The following PLEKHG7 variants were observed in gnomAD, a reference collection of about 807,000 sequenced individuals.
PLEKHG7 encodes the protein pleckstrin homology domain-containing family G member 7.
A neutral mutation model predicts 85.2 loss-of-function variants in PLEKHG7; 77 were observed. The ratio of observed to expected loss-of-function variants is 0.90; its 90% CI spans 0.75 to 1.09. The LOEUF (loss-of-function observed/expected upper bound fraction) is 1.09. Ranked by LOEUF, PLEKHG7 falls within the 50% of genes least tolerant of loss-of-function variation. The probability of loss-of-function intolerance (pLI) is 0.00; values close to 1 mark genes in which losing one functional copy is unlikely to be tolerated. For missense variants in PLEKHG7, 777 were observed against 804.3 expected, an observed-to-expected ratio of 0.97 and a Z score of 0.41; for synonymous variants, 301 against 302.4, an observed-to-expected ratio of 1.00 and a Z score of 0.05.
At chr12:92,748,682 T>C (rs1281528186) in intron 10 of PLEKHG7, among the ~76,000 whole-genome samples, 1 of 152,210 alleles carries the variant, frequency 6.6e-6, no homozygotes, top group Non-Finnish European at 1.5e-5. Flanking sequence ...AGATGACATT[T>C]GCAAGGCCAC....
At chr12:92,708,510 C>T (rs1351894263) in intron 3 of PLEKHG7, 1 of 152,208 alleles carries the variant, frequency 6.6e-6, no homozygotes, top group African/African-American at 2.4e-5. Flanking sequence ...GTCTGTGTAT[C>T]AGCTAGCTGT....
Position 92,707,073 on chromosome 12 carries a change from G to C in PLEKHG7, c.442G>C (p.Ala148Pro), listed in dbSNP as rs550109986. 11 of 1,614,008 alleles carry C rather than the reference G, an allele frequency of 6.8e-6. No individual in the cohort carries two copies. Among genetic ancestry groups the C allele is most frequent in the Middle Eastern group, 3.3e-4 (2 of 6,062 alleles). ...QPVNEGSLHQ[A>P]SLRQQEGHFL... ...TGTCAATGAAGGGTCCCTTCACCAG[G>C]CCTCTCTTCGGCAGCAAGAAGGCCA... is the stretch of plus-strand genomic sequence containing the variant. The change falls in exon 2 of 17, where the codon GCC becomes CCC. Residue 148 changes from alanine to proline, a missense_variant. Transcript: ENST00000344636.
At chr12:92,741,343 A>C in intron 8 of PLEKHG7, 148 bp from the exon 9 acceptor site, 1 of 452,032 alleles carries the variant, frequency 2.2e-6, no homozygotes, top group South Asian at 5.9e-5. Flanking sequence ...TATATATTGG[A>C]GAGTGGAGGA....
In PLEKHG7 at chr12:92,755,932, A is replaced by G. The variant is rs139831494; in HGVS notation, c.1534A>G (p.Ile512Val). The G allele has an allele frequency of 1.9e-6, 3 of 1,599,158 alleles. No individual in the cohort carries two copies. Among genetic ancestry groups the G allele is most frequent in the Admixed American group, 1.8e-5 (1 of 56,666 alleles). Residue 512 changes from isoleucine (I) to valine (V), a missense_variant, in exon 12 of 17, where the codon ATT becomes GTT. Physicochemically the swap from Ile to Val is conservative, Grantham distance 29. Transcript: ENST00000344636. ...PLWDRDKRFF[I>V]PECLKHIFKE... ...TTGGGATAGAGATAAAAGGTTTTTC[A>G]TTCCAGAGGTACAAAAAAAAAATCA... is the stretch of plus-strand genomic sequence containing the variant.
intron 1 of PLEKHG7, among the ~76,000 whole-genome samples, chr12:92,705,735 T>TA (rs1486576289): frequency 6.6e-6 from 1 of 152,180 alleles, no homozygotes; most frequent in East Asian, 1.9e-4. Flanking sequence ...TTCCCACACA[T>TA]ACCTTCTTCA....
At chr12:92,716,344 C>A (rs1871494222) in intron 3 of PLEKHG7, among the ~76,000 whole-genome samples, 1 of 152,144 alleles carries the variant, frequency 6.6e-6, no homozygotes, top group Non-Finnish European at 1.5e-5. Context: ...GTCGTCCACC[C>A]TCCTTGGCCT....
At chr12:92,739,490 T>C (rs1592681052) in intron 7 of PLEKHG7, among the ~76,000 whole-genome samples, 1 of 152,210 alleles carries the variant, frequency 6.6e-6, no homozygotes, top group Admixed American at 6.5e-5. Flanking sequence ...CCACCTTCCT[T>C]GTCCTAAGAA....
At position 92,727,025 on chromosome 12, in the gene PLEKHG7, G is replaced by A. The variant is rs75863786; in HGVS notation, c.531-1968G>A. On this transcript the variant is annotated intron_variant, in intron 3 of 16. Transcript: ENST00000344636. ...GTCAGAACAAGCAGGGTGCATTTGC[G>A]TTGACATGTCTACGTGAGCTCTTCT... 6.9e-3 allele frequency among the ~76,000 whole-genome samples: 1,048 copies of A among 152,240 alleles called. 13 individuals are homozygous for A. The highest frequency in any genetic ancestry group is 0.024 in the African/African-American group (1,001 of 41,514).
At chr12:92,724,675 A>G (rs1408375803) in intron 3 of PLEKHG7, among the ~76,000 whole-genome samples, 1 of 152,228 alleles carries the variant, frequency 6.6e-6, no homozygotes, top group Non-Finnish European at 1.5e-5. Context: ...TCTATTCCGA[A>G]CAGCAAGAAG....
chr12:92,754,014 C>T lies in PLEKHG7; in HGVS notation c.1252-76C>T, dbSNP rs943871747. 11 of 1,446,188 alleles carry T rather than the reference C, an allele frequency of 7.6e-6. No homozygotes were observed. In the African/African-American group the frequency reaches 1.4e-4, roughly 19 times the overall value. The allele number at this position is 1,446,188 out of a possible 1,614,324, so 89.6% of individuals were successfully genotyped here. On this transcript the variant is annotated intron_variant, in intron 10 of 16. Transcript: ENST00000344636. ...AGTTACTGAGTAAAATCTCCAAGAA[C>T]CTCTCATATCCAGGCTTCTTAGTGG...
At chr12:92,745,364 T>TGGCA (rs1872503744) in intron 9 of PLEKHG7, 114 bp from the exon 10 acceptor site, 1 of 681,450 alleles carries the variant, frequency 1.5e-6, no homozygotes, top group African/African-American at 2.0e-5. Flanking sequence ...TCATGGCGAC[T>TGGCA]CCTCCACTTT....
At chr12:92,768,917 C>T in intron 15 of PLEKHG7, 66 bp from the exon 16 acceptor site, 1 of 1,165,850 alleles carries the variant, frequency 8.6e-7, no homozygotes, top group African/African-American at 1.6e-5. Flanking sequence ...GATTCTTGTA[C>T]TAAGAAATTG....
intron 5 of PLEKHG7, among the ~76,000 whole-genome samples, chr12:92,732,477 T>C (rs1872020776): frequency 6.6e-6 from 1 of 152,160 alleles, no homozygotes; most frequent in African/African-American, 2.4e-5. Context: ...ACAGTGCTAA[T>C]TGCCAGTGGT....
intron 11 of PLEKHG7, 41 bp downstream of exon 11, chr12:92,754,305 G>A (rs1872767634): frequency 6.3e-7 from 1 of 1,588,262 alleles, no homozygotes; most frequent in East Asian, 2.3e-5. Flanking sequence ...CAGAATTGTG[G>A]CCTTGTGACT....
intron 15 of PLEKHG7, among the ~76,000 whole-genome samples, chr12:92,768,727 T>A (rs770818202): frequency 3.3e-5 from 5 of 152,208 alleles, no homozygotes; most frequent in Non-Finnish European, 7.3e-5. Context: ...CTTAGTTGCA[T>A]TTCATCAAGT....
chr12:92,763,005 C>G (rs1041502374), intron 14 of PLEKHG7, among the ~76,000 whole-genome samples: 2 of 152,152 alleles, frequency 1.3e-5, no homozygotes, highest in African/African-American at 2.4e-5. Flanking sequence ...AAGCCAAATT[C>G]TGAAAAATCT....
chr12:92,731,343 G>T (rs569221760), intron 4 of PLEKHG7, among the ~76,000 whole-genome samples: 2 of 152,318 alleles, frequency 1.3e-5, no homozygotes, highest in South Asian at 4.1e-4. Context: ...TGCCTCCCAA[G>T]GTTACAGTGG....
chr12:92,743,767 C>T (rs1365840791), intron 9 of PLEKHG7, among the ~76,000 whole-genome samples: 1 of 152,086 alleles, frequency 6.6e-6, no homozygotes, highest in East Asian at 1.9e-4. Context: ...ATCATATTGG[C>T]CAGGCTGCTC....
chr12:92,707,595 A>C, intron 2 of PLEKHG7, 55 bp from the exon 3 acceptor site: 1 of 1,592,158 alleles, frequency 6.3e-7, no homozygotes, highest in Non-Finnish European at 8.6e-7. Flanking sequence ...TTTGCTTTGG[A>C]GTTTGGGATG....
Sources: allele counts gnomAD v4.1 joint callset (sites outside exome capture counted in the v4.1 genomes callset), GRCh38; gene constraint gnomAD v4.1.1; transcripts MANE v1.5; gene names NCBI Gene and HGNC (gene_info 2026-07-23, HGNC 2026-07-21).